HPSE2: variants seen among roughly 807,000 people sequenced by gnomAD.
HPSE2 encodes the protein inactive heparanase-2.
In HPSE2, 38 loss-of-function variants were observed where a neutral mutation model predicts 60.5. The ratio of observed to expected loss-of-function variants is 0.63; its 90% CI spans 0.48 to 0.82. The LOEUF (loss-of-function observed/expected upper bound fraction) is 0.82. HPSE2 is among the 40% of genes least tolerant of loss of function. The probability of loss-of-function intolerance (pLI) is 0.00; values close to 1 mark genes in which losing one functional copy is unlikely to be tolerated. For synonymous variants in HPSE2, 295 were observed against 293.2 expected, an observed-to-expected ratio of 1.01 and a Z score of -0.06; for missense variants, 713 against 740.4, an observed-to-expected ratio of 0.96 and a Z score of 0.43.
intron 3 of HPSE2, among the ~76,000 whole-genome samples, chr10:99,001,191 A>C (rs995981974): frequency 6.6e-6 from 1 of 152,142 alleles, no homozygotes; most frequent in Non-Finnish European, 1.5e-5. Flanking sequence ...TATTGATATA[A>C]GATTTATATT....
chr10:98,817,689 C>T (rs1951323435), intron 3 of HPSE2, among the ~76,000 whole-genome samples: 1 of 152,186 alleles, frequency 6.6e-6, no homozygotes, highest in African/African-American at 2.4e-5. Context: ...TCTTCTGACT[C>T]TAAAGCTTCC....
intron 11 of HPSE2, among the ~76,000 whole-genome samples, chr10:98,464,452 G>A (rs1057210427): frequency 3.3e-5 from 5 of 152,234 alleles, no homozygotes; most frequent in African/African-American, 7.2e-5. Flanking sequence ...TCCTCTGCCA[G>A]ACTAACTGCA....
chr10:99,029,325 C>T (rs555911106), intron 3 of HPSE2, among the ~76,000 whole-genome samples: 11 of 152,202 alleles, frequency 7.2e-5, no homozygotes, highest in Admixed American at 4.6e-4. Context: ...CCCACAGGGT[C>T]GGTGGGTCTC....
At chr10:99,033,082 G>T (rs1185006162) in intron 3 of HPSE2, among the ~76,000 whole-genome samples, 1 of 152,186 alleles carries the variant, frequency 6.6e-6, no homozygotes, top group African/African-American at 2.4e-5. Context: ...GAGGAGAGGG[G>T]TGACATTCTT....
Position 98,626,977 on chromosome 10 carries a change from G to A in HPSE2, c.1099-6269C>T, listed in dbSNP as rs189562855. ...TTTAGTAGAGATGGGGTTTCACCGTGTTAGCCAGGACGGTCTCAATCTCCT... is the reference window on the plus strand; with the variant it reads ...TTTAGTAGAGATGGGGTTTCACCGTATTAGCCAGGACGGTCTCAATCTCCT... On this transcript the variant is annotated intron_variant, in intron 7 of 11. Coordinates refer to ENST00000370552, the MANE Select transcript of HPSE2 (RefSeq NM_021828.5). Among the ~76,000 whole-genome samples the A allele has an allele frequency of 1.3e-3, 192 of 152,168 alleles. 2 individuals carry two copies. Among genetic ancestry groups the A allele is most frequent in the African/African-American group, 4.4e-3 (181 of 41,512 alleles).
intron 3 of HPSE2, among the ~76,000 whole-genome samples, chr10:99,033,372 C>T (rs1247123627): frequency 1.3e-5 from 2 of 151,664 alleles, no homozygotes; most frequent in Non-Finnish European, 2.9e-5. Flanking sequence ...GACACTTTGC[C>T]AAAAAAGATA....
intron 9 of HPSE2, among the ~76,000 whole-genome samples, chr10:98,541,291 T>C (rs1209780077): frequency 4.6e-5 from 7 of 152,144 alleles, no homozygotes; most frequent in African/African-American, 1.7e-4. Context: ...TATTAAAACA[T>C]CGCAATTGCC....
chr10:99,062,351 G>A (rs1388003863), intron 3 of HPSE2, among the ~76,000 whole-genome samples: 1 of 152,128 alleles, frequency 6.6e-6, no homozygotes, highest in Non-Finnish European at 1.5e-5. Context: ...ATCCATGCTA[G>A]GATAGTAAAC....
chr10:98,609,354 A>G (rs1386682507), intron 9 of HPSE2, among the ~76,000 whole-genome samples: 1 of 152,268 alleles, frequency 6.6e-6, no homozygotes, highest in Non-Finnish European at 1.5e-5. Context: ...GTGTTTACGA[A>G]TAAGTGAAAC....
At chr10:99,057,403 A>G (rs1958138741) in intron 3 of HPSE2, among the ~76,000 whole-genome samples, 1 of 152,184 alleles carries the variant, frequency 6.6e-6, no homozygotes, top group South Asian at 2.1e-4. Flanking sequence ...AATACTCTAC[A>G]GATTAGGAAA....
intron 6 of HPSE2, among the ~76,000 whole-genome samples, chr10:98,687,560 A>C (rs1285176932): frequency 6.6e-6 from 1 of 152,218 alleles, no homozygotes; most frequent in Non-Finnish European, 1.5e-5. Context: ...CATATAATGT[A>C]ACATATTTAC....
chr10:98,976,317 T>C (rs1019953061), intron 3 of HPSE2, among the ~76,000 whole-genome samples: 4 of 152,230 alleles, frequency 2.6e-5, no homozygotes, highest in Non-Finnish European at 5.9e-5. Context: ...GCTTACTATG[T>C]GCCAGGTATT....
intron 5 of HPSE2, among the ~76,000 whole-genome samples, chr10:98,713,774 A>T (rs371827708): frequency 6.6e-6 from 1 of 151,990 alleles, no homozygotes; most frequent in South Asian, 2.1e-4. Context: ...TCTCCAGAGC[A>T]TACTTAAGAA....
At chr10:99,076,783 T>C (rs1842964165) in intron 3 of HPSE2, among the ~76,000 whole-genome samples, 1 of 152,362 alleles carries the variant, frequency 6.6e-6, no homozygotes, top group African/African-American at 2.4e-5. Context: ...TATTTATCTA[T>C]ATATTTACCT....
At chr10:99,184,819 T>TATATATATATATATAGAGAG (rs1554912295) in intron 2 of HPSE2, among the ~76,000 whole-genome samples, 3 of 19,866 alleles carry the variant, frequency 1.5e-4, no homozygotes, top group South Asian at 2.3e-3. Flanking sequence ...TATATATATA[T>TATATATATATATATAGAGAG]AGAGAGAGAG....
the HPSE2 span, among the ~76,000 whole-genome samples, chr10:99,269,045 G>A: frequency 0.16 from 24,850 of 151,944 alleles, 3,049 homozygotes; most frequent in African/African-American, 0.34. Flanking sequence ...TGCAATCCCA[G>A]TTACTTGAGG....
At chr10:98,754,908 CTG>C (rs1474645945) in intron 3 of HPSE2, among the ~76,000 whole-genome samples, 3 of 151,986 alleles carry the variant, frequency 2.0e-5, no homozygotes, top group African/African-American at 7.2e-5. Flanking sequence ...AAACAAAAGA[CTG>C]TTTTACTGGT....
chr10:99,119,638 T>G (rs1844866573), intron 3 of HPSE2, among the ~76,000 whole-genome samples: 1 of 152,040 alleles, frequency 6.6e-6, no homozygotes, highest in African/African-American at 2.4e-5. Flanking sequence ...TCCAAGACAA[T>G]CCTAAGCAAA....
chr10:99,078,015 CCTCTCT>C (rs1387735975), intron 3 of HPSE2, among the ~76,000 whole-genome samples: 1 of 152,012 alleles, frequency 6.6e-6, no homozygotes, highest in Non-Finnish European at 1.5e-5. Context: ...GACACTTCTC[CCTCTCT>C]CTGTCTTGCT....
Sources: gnomAD v4.1 joint callset for allele counts (sites outside exome capture counted in the v4.1 genomes callset) on GRCh38, gnomAD v4.1.1 for gene constraint, MANE v1.5 for transcripts, NCBI Gene and HGNC (gene_info 2026-07-23, HGNC 2026-07-21) for gene names.